CTIF: variants seen among roughly 807,000 people sequenced by gnomAD.
The protein encoded by CTIF is CBP80/20-dependent translation initiation factor.
CTIF carries 21 observed loss-of-function variants against 66.0 expected under a neutral mutation model. That is an observed-to-expected ratio of 0.32 (90% CI 0.23 to 0.46). The LOEUF (loss-of-function observed/expected upper bound fraction) is 0.46, where lower values mean the gene tolerates loss of function less well. CTIF is among the 20% of genes least tolerant of loss of function. The pLI, the probability that CTIF is intolerant of heterozygous loss-of-function variation, is 1.00. For synonymous variants in CTIF, 345 were observed against 326.4 expected, an observed-to-expected ratio of 1.06 and a Z score of -0.62; for missense variants, 739 against 812.7, an observed-to-expected ratio of 0.91 and a Z score of 1.10.
chr18:48,592,923 G>T (rs566656586), intron 1 of CTIF, among the ~76,000 whole-genome samples: 5 of 152,230 alleles, frequency 3.3e-5, no homozygotes, highest in African/African-American at 9.6e-5. Context: ...GCAGGCTGCC[G>T]CGGATCAGGG....
chr18:48,548,278 C>T (rs2088802451), intron 1 of CTIF, among the ~76,000 whole-genome samples: 1 of 152,212 alleles, frequency 6.6e-6, no homozygotes, highest in Non-Finnish European at 1.5e-5. Context: ...GCTGGGAACA[C>T]ACAGGCCTGT....
At chr18:48,664,632 C>T (rs963623562) in intron 5 of CTIF, 81 bp downstream of exon 5, 1 of 1,212,466 alleles carries the variant, frequency 8.2e-7, no homozygotes, top group African/African-American at 1.5e-5. Flanking sequence ...GGAGGCTGCT[C>T]TGCTGCACAG....
chr18:48,819,154 C>G (rs1217557733), intron 10 of CTIF, among the ~76,000 whole-genome samples: 1 of 152,216 alleles, frequency 6.6e-6, no homozygotes, highest in East Asian at 1.9e-4. Context: ...CATTTCTTAA[C>G]AAATGCACTT....
intron 10 of CTIF, among the ~76,000 whole-genome samples, chr18:48,853,340 C>T (rs2069251466): frequency 6.6e-6 from 1 of 151,968 alleles, no homozygotes; most frequent in Non-Finnish European, 1.5e-5. Context: ...TTGGGCAGAG[C>T]CCTGCATAGG....
chr18:48,749,187 C>T (rs1907547695), intron 7 of CTIF, among the ~76,000 whole-genome samples: 1 of 152,108 alleles, frequency 6.6e-6, no homozygotes, highest in Admixed American at 6.5e-5. Flanking sequence ...GAGCAACTTC[C>T]AGGTCAATCA....
intron 1 of CTIF, among the ~76,000 whole-genome samples, chr18:48,614,593 T>C (rs1218930932): frequency 6.6e-6 from 1 of 152,224 alleles, no homozygotes; most frequent in African/African-American, 2.4e-5. Flanking sequence ...GAAAGCATTA[T>C]GCTAAGTGAA....
intron 6 of CTIF, among the ~76,000 whole-genome samples, chr18:48,695,697 C>A (rs2091996406): frequency 6.6e-6 from 1 of 152,216 alleles, no homozygotes; most frequent in Non-Finnish European, 1.5e-5. Context: ...CACTCAGTGC[C>A]TGCCTCCATA....
chr18:48,704,672 G>A (rs566830661), intron 6 of CTIF, among the ~76,000 whole-genome samples: 23 of 152,226 alleles, frequency 1.5e-4, no homozygotes, highest in Admixed American at 6.5e-4. Context: ...GTCCTCACGC[G>A]GCCTTGTTTT....
chr18:48,546,095 C>G (rs1055042171), intron 1 of CTIF, among the ~76,000 whole-genome samples: 7 of 152,084 alleles, frequency 4.6e-5, no homozygotes, highest in Non-Finnish European at 1.0e-4. Context: ...CTTCCAGGAG[C>G]AGGTAGTTTT....
At chr18:48,594,244 A>G (rs2089948835) in intron 1 of CTIF, among the ~76,000 whole-genome samples, 1 of 152,132 alleles carries the variant, frequency 6.6e-6, no homozygotes, top group Non-Finnish European at 1.5e-5. Context: ...CACACTCAGA[A>G]GGGTTCATGT....
intron 10 of CTIF, among the ~76,000 whole-genome samples, chr18:48,848,043 C>T (rs1001735492): frequency 4.6e-5 from 7 of 152,186 alleles, no homozygotes; most frequent in Non-Finnish European, 1.0e-4. Context: ...GGAGGGTACT[C>T]CTGACGTGTA....
Position 48,855,977 on chromosome 18 carries a change from G to C in CTIF, c.1528-1611G>C, listed in dbSNP as rs1036208919. 2.6e-5 allele frequency among the ~76,000 whole-genome samples: 4 copies of C among 152,212 alleles called. No homozygotes were observed. The South Asian group carries it at 8.3e-4, about 32-fold the overall frequency. ...TTCGTGCAGACGAGCTAGATGTGGG[G>C]TCCCTGAGAGTCGTGATGATCGACA... On this transcript the variant is annotated intron_variant, in intron 10 of 11. Transcript: ENST00000256413.
rs1331272849 is a variant in CTIF at position 48,744,822 on chromosome 18, C to CT, written c.585-13084dup. ...TATCCTGGGGCAGTTCTTTCTTCTT[C>CT]TTTTTTTTTTTTTCTTTTGAGGTGG... On this transcript the variant is annotated intron_variant, in intron 7 of 11. Coordinates refer to ENST00000256413, the MANE Select transcript of CTIF (RefSeq NM_014772.3). Among the ~76,000 whole-genome samples the CT allele has an allele frequency of 5.4e-3, 758 of 141,412 alleles. 1 individual carries two copies. Among genetic ancestry groups the CT allele is most frequent in the Non-Finnish European group, 7.4e-3 (472 of 64,186 alleles). 92.8% of individuals were successfully genotyped at this position (141,412 alleles called of 152,430 possible).
At position 48,775,216 on chromosome 18, in the gene CTIF, T is replaced by A. The variant is rs146246569; in HGVS notation, c.1371+13527T>A. On this transcript the variant is annotated intron_variant, in intron 9 of 11. Coordinates refer to ENST00000256413, the MANE Select transcript of CTIF (RefSeq NM_014772.3). ...CTTACTCTTCTGTTAAATGGGGTCA[T>A]AATACCCATCTCCTCCTCCTGCCTA... Among the ~76,000 whole-genome samples the A allele has an allele frequency of 3.9e-3, 590 of 152,346 alleles. 1 individual carries two copies. The highest frequency in any genetic ancestry group is 6.5e-3 in the Non-Finnish European group (445 of 68,024).
intron 1 of CTIF, among the ~76,000 whole-genome samples, chr18:48,606,975 A>G (rs7233516): frequency 0.14 from 21,164 of 152,148 alleles, 2,649 homozygotes; most frequent in African/African-American, 0.34. Flanking sequence ...TATCTTTTAT[A>G]TATTTGGGGG....
chr18:48,626,021 A>C (rs1320036029), intron 2 of CTIF, among the ~76,000 whole-genome samples: 2 of 53,838 alleles, frequency 3.7e-5, no homozygotes, highest in African/African-American at 8.1e-5. Context: ...TTTTTTTTTG[A>C]GATGGAGTCT....
At chr18:48,742,923 C>A (rs1296052063) in intron 7 of CTIF, among the ~76,000 whole-genome samples, 3 of 152,214 alleles carry the variant, frequency 2.0e-5, no homozygotes, top group Non-Finnish European at 2.9e-5. Flanking sequence ...GACTTGGCCC[C>A]TCCACCAGTC....
rs140078001 is a variant in CTIF at position 48,793,207 on chromosome 18, G to A, written c.1372-24014G>A. On this transcript the variant is annotated intron_variant, in intron 9 of 11. Transcript: ENST00000256413. ...GGCTAGCACAAGGGAGGGCTCAGGA[G>A]AGACAAGTAATTATCCTTATAAATC... Among the ~76,000 whole-genome samples the A allele has an allele frequency of 9.0e-3, 1,366 of 152,348 alleles. 26 individuals carry two copies. The highest frequency in any genetic ancestry group is 0.031 in the African/African-American group (1,285 of 41,580).
chr18:48,828,461 C>T (rs143061823), intron 10 of CTIF, among the ~76,000 whole-genome samples: 1 of 152,220 alleles, frequency 6.6e-6, no homozygotes, highest in African/African-American at 2.4e-5. Context: ...ATTGAGCTGC[C>T]CTGCTGACCC....
Sources: gnomAD v4.1 joint callset for allele counts (sites outside exome capture counted in the v4.1 genomes callset) on GRCh38, gnomAD v4.1.1 for gene constraint, MANE v1.5 for transcripts, NCBI Gene and HGNC (gene_info 2026-07-23, HGNC 2026-07-21) for gene names.